The following BRINP3 variants were observed in gnomAD, a reference collection of about 807,000 sequenced individuals.
BRINP3 encodes the protein BMP/retinoic acid-inducible neural-specific protein 3.
Under a neutral mutation model 71.0 loss-of-function variants are expected in BRINP3, and 19 were observed. The ratio of observed to expected loss-of-function variants is 0.27; its 90% CI spans 0.19 to 0.39. The LOEUF (loss-of-function observed/expected upper bound fraction) is 0.39. Ranked by LOEUF, BRINP3 falls within the 10% of genes least tolerant of loss-of-function variation. The pLI, the probability that BRINP3 is intolerant of heterozygous loss-of-function variation, is 1.00. For synonymous variants in BRINP3, 380 were observed against 337.7 expected (o/e 1.13, Z -1.37); for missense variants, 959 against 940.8 (o/e 1.02, Z -0.25).
chr1:190,475,303 C>G (rs751150292), intron 1 of BRINP3, among the ~76,000 whole-genome samples: 3 of 152,092 alleles, frequency 2.0e-5, no homozygotes, highest in Admixed American at 2.0e-4. Context: ...TAAATATTAA[C>G]GCAAAAAGGT....
rs1666696159 is a variant in BRINP3 at position 190,327,570 on chromosome 1, A to G, written c.237-45820T>C. 2.0e-5 allele frequency among the ~76,000 whole-genome samples: 3 copies of G among 151,882 alleles called. No individual in the cohort carries two copies. The South Asian group carries it at 6.2e-4, about 31-fold the overall frequency. Reference sequence around the variant, plus strand: ...AAACCAACAACAGTAAAAAAGGAAAAAATATAAAGAATTCAATTTAACAAT... The same window carrying G: ...AAACCAACAACAGTAAAAAAGGAAAGAATATAAAGAATTCAATTTAACAAT... On this transcript the variant is annotated intron_variant, in intron 2 of 7. Coordinates refer to ENST00000367462, the MANE Select transcript of BRINP3 (RefSeq NM_199051.3).
At chr1:190,130,668 T>C (rs900875354) in intron 7 of BRINP3, among the ~76,000 whole-genome samples, 1 of 152,070 alleles carries the variant, frequency 6.6e-6, no homozygotes, top group African/African-American at 2.4e-5. Context: ...AAGTTATCAC[T>C]AAGAAGTGAC....
At chr1:190,139,606 A>G (rs899353245) in intron 7 of BRINP3, among the ~76,000 whole-genome samples, 18 of 152,144 alleles carry the variant, frequency 1.2e-4, no homozygotes, top group African/African-American at 4.1e-4. Context: ...AATAAAGAAC[A>G]TTAGAAGGAA....
chr1:190,409,399 G>A (rs1020214742), intron 2 of BRINP3, among the ~76,000 whole-genome samples: 1 of 152,042 alleles, frequency 6.6e-6, no homozygotes, highest in Non-Finnish European at 1.5e-5. Context: ...CACAAAAAAA[G>A]AATCTCATTG....
intron 1 of BRINP3, among the ~76,000 whole-genome samples, chr1:190,461,339 T>G (rs887517144): frequency 2.0e-5 from 3 of 152,154 alleles, no homozygotes; most frequent in Non-Finnish European, 4.4e-5. Context: ...CTAGGATCTC[T>G]TCATCTGCCT....
At chr1:190,341,815 A>G (rs1298911016) in intron 2 of BRINP3, among the ~76,000 whole-genome samples, 1 of 151,854 alleles carries the variant, frequency 6.6e-6, no homozygotes, top group African/African-American at 2.4e-5. Flanking sequence ...AAGCAATACT[A>G]ACACTTTCAT....
At chr1:190,414,874 C>T (rs1033112858) in intron 2 of BRINP3, among the ~76,000 whole-genome samples, 10 of 152,330 alleles carry the variant, frequency 6.6e-5, no homozygotes, top group Admixed American at 5.9e-4. Flanking sequence ...GCTGTCATGA[C>T]ATTTGTTGCC....
At chr1:190,218,659 C>T (rs2102676663) in intron 6 of BRINP3, among the ~76,000 whole-genome samples, 1 of 152,058 alleles carries the variant, frequency 6.6e-6, no homozygotes, top group Non-Finnish European at 1.5e-5. Context: ...ACATGCTATG[C>T]TATAGATCTC....
At chr1:190,226,629 C>T (rs977939403) in intron 5 of BRINP3, among the ~76,000 whole-genome samples, 1 of 151,864 alleles carries the variant, frequency 6.6e-6, no homozygotes. Flanking sequence ...TAGATGGAGC[C>T]TATCTTTCTA....
intron 2 of BRINP3, among the ~76,000 whole-genome samples, chr1:190,396,681 C>G (rs1390704533): frequency 7.1e-6 from 1 of 140,444 alleles, no homozygotes; most frequent in Non-Finnish European, 1.5e-5. Context: ...TATGTATACA[C>G]AAACAAACGC....
chr1:190,347,662 T>G (rs1571820428), intron 2 of BRINP3, among the ~76,000 whole-genome samples: 1 of 152,208 alleles, frequency 6.6e-6, no homozygotes, highest in East Asian at 1.9e-4. Context: ...TGGCAGAAAA[T>G]ATAGTGAATT....
chr1:190,356,023 T>C (rs1668708013), intron 2 of BRINP3, among the ~76,000 whole-genome samples: 1 of 151,986 alleles, frequency 6.6e-6, no homozygotes, highest in Admixed American at 6.6e-5. Flanking sequence ...ACATGTTTAC[T>C]TGTTCAGTAT....
chr1:190,299,283 T>C (rs1664489785), intron 2 of BRINP3, among the ~76,000 whole-genome samples: 1 of 152,090 alleles, frequency 6.6e-6, no homozygotes, highest in African/African-American at 2.4e-5. Flanking sequence ...AATTAGTGTA[T>C]GTATACCATC....
chr1:190,272,581 T>G (rs371288259), intron 3 of BRINP3, among the ~76,000 whole-genome samples: 71 of 151,628 alleles, frequency 4.7e-4, no homozygotes, highest in African/African-American at 1.7e-3. Context: ...TAACAGTTGA[T>G]GAGGAAGTTT....
At chr1:190,217,648 T>C (rs1441732034) in intron 6 of BRINP3, among the ~76,000 whole-genome samples, 5 of 152,056 alleles carry the variant, frequency 3.3e-5, no homozygotes, top group African/African-American at 1.2e-4. Flanking sequence ...ATCAGCTAAA[T>C]ACATTTGACC....
At chr1:190,362,150 T>A (rs1224651456) in intron 2 of BRINP3, 1 of 152,144 alleles carries the variant, frequency 6.6e-6, no homozygotes, top group Non-Finnish European at 1.5e-5. Context: ...TACCCTAATC[T>A]CAGACTTCCA....
chr1:190,376,288 C>T (rs2102220453), intron 2 of BRINP3, among the ~76,000 whole-genome samples: 1 of 151,986 alleles, frequency 6.6e-6, no homozygotes, highest in Non-Finnish European at 1.5e-5. Flanking sequence ...CTAGAAATTG[C>T]ATCATATCTA....
At chr1:190,160,254 T>C in intron 7 of BRINP3, among the ~76,000 whole-genome samples, 1 of 152,062 alleles carries the variant, frequency 6.6e-6, no homozygotes, top group Admixed American at 6.6e-5. Flanking sequence ...TATACACTGG[T>C]TATAGAAAAT....
intron 4 of BRINP3, among the ~76,000 whole-genome samples, chr1:190,237,865 A>T (rs1436411022): frequency 6.6e-6 from 1 of 152,070 alleles, no homozygotes; most frequent in East Asian, 1.9e-4. Context: ...TTATGCCCAA[A>T]CAGGCATAAT....
Sources: allele counts gnomAD v4.1 joint callset (sites outside exome capture counted in the v4.1 genomes callset), GRCh38; gene constraint gnomAD v4.1.1; transcripts MANE v1.5; gene names NCBI Gene and HGNC (gene_info 2026-07-23, HGNC 2026-07-21).